NNT: variants seen among roughly 807,000 people sequenced by gnomAD.
NNT encodes nicotinamide nucleotide transhydrogenase.
In NNT, 50 loss-of-function variants were observed where a neutral mutation model predicts 104.8. That is an observed-to-expected ratio of 0.48 (90% CI 0.38 to 0.60). The LOEUF (loss-of-function observed/expected upper bound fraction) is 0.60. Ranked by LOEUF, NNT falls within the 20% of genes least tolerant of loss-of-function variation. The pLI, the probability that NNT is intolerant of heterozygous loss-of-function variation, is 0.00. For missense variants in NNT, 1,131 were observed against 1,330.7 expected (o/e 0.85, Z 2.33); for synonymous variants, 461 against 490.4 (o/e 0.94, Z 0.79).
At position 43,610,330 on chromosome 5, in the gene NNT, G is replaced by T. The variant is rs145645320; in HGVS notation, c.151+984G>T. ...AAGTCAACTCTCTTTCATCAGTCTT[G>T]CCCAAAGATCATCCCAGTACTTCTG... is the stretch of plus-strand genomic sequence containing the variant. On this transcript the variant is annotated intron_variant, in intron 2 of 21. Transcript: ENST00000344920. Among the ~76,000 whole-genome samples, 725 of 151,098 alleles carry T rather than the reference G, an allele frequency of 4.8e-3. 9 individuals carry two copies. Among genetic ancestry groups the T allele is most frequent in the African/African-American group, 0.017 (694 of 41,150 alleles).
intron 1 of NNT, among the ~76,000 whole-genome samples, chr5:43,604,120 C>A (rs1273144839): frequency 6.6e-6 from 1 of 152,096 alleles, no homozygotes; most frequent in African/African-American, 2.4e-5. Context: ...GCCTGCCAGC[C>A]GAAGCTGGCT....
Position 43,649,218 on chromosome 5 carries a change from G to A in NNT, c.1516G>A (p.Gly506Ser). ...CTTTTCTCAGATGGTGACCACTTTT[G>A]GCTTGGCTGGCATTGTGGGGTATCA... ...LAFSQMVTTF[G>S]LAGIVGYHTV... is the part of the protein sequence containing the mutation. Residue 506 changes from glycine (G) to serine (S), a missense_variant, in exon 11 of 22, where the codon GGC (glycine) becomes AGC (serine). Transcript: ENST00000344920. 1 of 1,614,160 alleles carries A rather than the reference G, an allele frequency of 6.2e-7. No homozygotes were observed. Among genetic ancestry groups the A allele is most frequent in the Non-Finnish European group, 8.5e-7 (1 of 1,180,024 alleles).
intron 17 of NNT, among the ~76,000 whole-genome samples, chr5:43,669,540 A>G (rs961196035): frequency 2.0e-5 from 3 of 152,082 alleles, no homozygotes; most frequent in Admixed American, 2.0e-4. Context: ...TGAGATAATC[A>G]TGTGGTTTTT....
intron 7 of NNT, among the ~76,000 whole-genome samples, chr5:43,629,130 T>C (rs1473761928): frequency 6.6e-6 from 1 of 152,130 alleles, no homozygotes; most frequent in South Asian, 2.1e-4. Context: ...CTGTACACAA[T>C]GTTTAGTCTT....
intron 18 of NNT, among the ~76,000 whole-genome samples, chr5:43,676,175 T>G (rs1389507868): frequency 6.6e-6 from 1 of 152,230 alleles, no homozygotes; most frequent in Non-Finnish European, 1.5e-5. Context: ...TTCTTAATTT[T>G]GCCTCTAACA....
At chr5:43,677,361 G>A (rs977306433) in intron 18 of NNT, among the ~76,000 whole-genome samples, 7 of 151,920 alleles carry the variant, frequency 4.6e-5, no homozygotes, top group African/African-American at 1.7e-4. Context: ...GGGGACCGCA[G>A]TGTCGTCAAA....
chr5:43,660,081 C>A (rs976874759), intron 17 of NNT, among the ~76,000 whole-genome samples: 12 of 152,250 alleles, frequency 7.9e-5, no homozygotes, highest in African/African-American at 2.6e-4. Context: ...TATGGATATA[C>A]AAAATTTATT....
chr5:43,692,733 C>T (rs1215965955), intron 19 of NNT, among the ~76,000 whole-genome samples: 1 of 152,160 alleles, frequency 6.6e-6, no homozygotes, highest in Non-Finnish European at 1.5e-5. Context: ...AGGGAGAGTG[C>T]TTCTTTCTTT....
At chr5:43,604,822 C>T (rs987746665) in intron 1 of NNT, among the ~76,000 whole-genome samples, 2 of 152,254 alleles carry the variant, frequency 1.3e-5, no homozygotes, top group Admixed American at 6.5e-5. Context: ...CAGGCTTGCA[C>T]CACCATGCCC....
intron 17 of NNT, among the ~76,000 whole-genome samples, chr5:43,662,722 G>C (rs1292404469): frequency 1.3e-5 from 2 of 152,008 alleles, no homozygotes; most frequent in African/African-American, 4.8e-5. Flanking sequence ...ATAAAACCCT[G>C]TCTCTACAAA....
At chr5:43,668,135 ATTTG>A in intron 17 of NNT, among the ~76,000 whole-genome samples, 1 of 151,624 alleles carries the variant, frequency 6.6e-6, no homozygotes, top group East Asian at 1.9e-4. Context: ...TTTCTTGTAA[ATTTG>A]TTTGGTTTAG....
At position 43,692,321 on chromosome 5, in the gene NNT, A is replaced by AT. The variant is rs781141770; in HGVS notation, c.2877-7789dup. On this transcript the variant is annotated intron_variant, in intron 19 of 21. Transcript: ENST00000344920. ...AACTCCCTAGACTGAACATGTGCTGATTTTTTTTTCTTTTTCTTTTGAGAT... is the reference window on the plus strand; with the variant it reads ...AACTCCCTAGACTGAACATGTGCTGATTTTTTTTTTCTTTTTCTTTTGAGAT... Among the ~76,000 whole-genome samples, 53 of 151,314 alleles carry AT rather than the reference A, an allele frequency of 3.5e-4. 1 individual carries two copies. Among genetic ancestry groups the AT allele is most frequent in the East Asian group, 9.7e-4 (5 of 5,142 alleles).
At position 43,656,760 on chromosome 5, in the gene NNT, T is replaced by A; in HGVS notation, c.2401T>A (p.Phe801Ile). ...GIIPFMVDPS[F>I]TTGITCLGSV... is the part of the protein sequence containing the mutation. ...AATCCCATTCATGGTGGACCCAAGC[T>A]TTACTACTGGCATCACCTGTCTGGG... The change falls in exon 16 of 22, where the codon TTT (phenylalanine) becomes ATT (isoleucine). Residue 801 changes from phenylalanine (F) to isoleucine (I), a missense_variant. Physicochemically the swap from Phe to Ile is conservative, Grantham distance 21 (BLOSUM62 0). Coordinates refer to ENST00000344920, the MANE Select transcript of NNT (RefSeq NM_182977.3). 1.2e-6 allele frequency: 2 copies of A among 1,614,174 alleles called. No homozygotes were observed. Among genetic ancestry groups the A allele is most frequent in the Non-Finnish European group, 1.7e-6 (2 of 1,180,006 alleles).
intron 17 of NNT, among the ~76,000 whole-genome samples, chr5:43,660,849 G>A (rs1236604005): frequency 3.3e-5 from 5 of 152,140 alleles, no homozygotes; most frequent in Non-Finnish European, 7.4e-5. Context: ...AGGTCCCCCC[G>A]TGGCATGTGG....
intron 7 of NNT, among the ~76,000 whole-genome samples, chr5:43,634,745 A>G (rs929489693): frequency 2.6e-5 from 4 of 152,214 alleles, no homozygotes; most frequent in Admixed American, 2.6e-4. Flanking sequence ...GTAGCTTTCA[A>G]TGCAGATAGA....
At position 43,706,688 on chromosome 5, in the gene NNT, A is replaced by G. The variant is rs2112281513; in HGVS notation, c.*2284A>G. The G allele has an allele frequency of 6.6e-6, 1 of 152,366 alleles. No homozygotes were observed. Among genetic ancestry groups the G allele is most frequent in the Non-Finnish European group, 1.5e-5 (1 of 68,044 alleles). The allele number at this position is 152,366 out of a possible 1,614,324, so 9.4% of individuals were successfully genotyped here. ...CATGCACACGTATGTTTATTGCAGC[A>G]CTATTCACAATAGCAAAGACTTGGA... On this transcript the variant is annotated 3_prime_UTR_variant, in exon 22 of 22. Coordinates refer to ENST00000344920, the MANE Select transcript of NNT (RefSeq NM_182977.3).
At position 43,653,087 on chromosome 5, in the gene NNT, C is replaced by T. The variant is rs759786744; in HGVS notation, c.1933C>T (p.Arg645Cys). 8.7e-6 allele frequency: 14 copies of T among 1,613,946 alleles called. No homozygotes were observed. Among genetic ancestry groups the T allele is most frequent in the South Asian group, 5.5e-5 (5 of 91,076 alleles). ...TGGCCTCTCCACCCAGGGAACAGCA[C>T]GTCTTGGCAATGCACTGGGCATGAT... ...LAGLSTQGTA[R>C]LGNALGMIGV... is the part of the protein sequence containing the mutation. Residue 645 changes from arginine (R) to cysteine (C), a missense_variant, in exon 14 of 22, where the codon CGT (arginine) becomes TGT (cysteine). Physicochemically the swap from Arg to Cys is radical, Grantham distance 180. Transcript: ENST00000344920.
chr5:43,665,713 C>T (rs889579919), intron 17 of NNT, among the ~76,000 whole-genome samples: 12 of 139,458 alleles, frequency 8.6e-5, no homozygotes, highest in African/African-American at 2.9e-4. Context: ...CCGCCATCGT[C>T]ATCATGGCCC....
In NNT at chr5:43,645,389, GA is replaced by G; in HGVS notation, c.1328del (p.Asn443IlefsTer8). 2 of 1,556,432 alleles carry G rather than the reference GA, an allele frequency of 1.3e-6. No individual in the cohort carries two copies. The highest frequency in any genetic ancestry group is 1.9e-5 in the Admixed American group (1 of 53,888). ...AAGTGATTTTCCCAGCTCCCACACC[GA>G]AAAATATTCCTCAAGGTGCCCCAGT... Reference protein sequence around the residue: ...GKVIFPAPTPKNIPQGAPVKQ... With the variant: ...GKVIFPAPTPXNIPQGAPVKQ... On this transcript the variant is annotated frameshift_variant, in exon 10 of 22. Transcript: ENST00000344920. LOFTEE classifies it high-confidence loss of function.
Sources: allele counts gnomAD v4.1 joint callset (sites outside exome capture counted in the v4.1 genomes callset), GRCh38; gene constraint gnomAD v4.1.1; transcripts MANE v1.5; gene names NCBI Gene and HGNC (gene_info 2026-07-23, HGNC 2026-07-21).